Variants in ADAMTSL3 observed in about 807,000 individuals in gnomAD.
ADAMTSL3 encodes ADAMTS-like protein 3.
Under a neutral mutation model 201.7 loss-of-function variants are expected in ADAMTSL3, and 128 were observed. The observed-to-expected ratio is 0.63, with a 90% CI of 0.55 to 0.73. The LOEUF (loss-of-function observed/expected upper bound fraction) is 0.73, where lower values mean the gene tolerates loss of function less well. Among genes scored for constraint, ADAMTSL3 ranks in the 30% least tolerant of loss-of-function variants. ADAMTSL3 has a pLI of 0.00. For synonymous variants in ADAMTSL3, 738 were observed against 748.4 expected, an observed-to-expected ratio of 0.99 and a Z score of 0.23; for missense variants, 1,990 against 2,119.6, an observed-to-expected ratio of 0.94 and a Z score of 1.20.
chr15:83,892,512 A>G (rs2065526536), intron 12 of ADAMTSL3, among the ~76,000 whole-genome samples, 172 bp from the exon 13 acceptor site: 1 of 152,222 alleles, frequency 6.6e-6, no homozygotes, highest in Non-Finnish European at 1.5e-5. Context: ...CCTGGGTGAC[A>G]GAGCGAGACT....
intron 8 of ADAMTSL3, among the ~76,000 whole-genome samples, chr15:83,864,212 GA>G (rs2064927612): frequency 6.6e-6 from 1 of 152,164 alleles, no homozygotes; most frequent in African/African-American, 2.4e-5. Flanking sequence ...CATTCCTTCT[GA>G]AACTATTCCA....
intron 23 of ADAMTSL3, among the ~76,000 whole-genome samples, chr15:84,007,590 G>T (rs2067917953): frequency 6.8e-6 from 1 of 146,436 alleles, no homozygotes; most frequent in African/African-American, 2.4e-5. Context: ...CTCTGGCTCT[G>T]TTTTTTTTCT....
chr15:83,688,285 A>G (rs1165151030), intron 2 of ADAMTSL3, among the ~76,000 whole-genome samples: 2 of 152,234 alleles, frequency 1.3e-5, no homozygotes, highest in African/African-American at 2.4e-5. Context: ...TTGCCACATT[A>G]TATTATTTAA....
chr15:83,690,251 A>T (rs1309464394), intron 2 of ADAMTSL3, among the ~76,000 whole-genome samples: 1 of 151,918 alleles, frequency 6.6e-6, no homozygotes, highest in African/African-American at 2.4e-5. Context: ...TTCTCTACTT[A>T]ATATCTCTCC....
At position 83,838,079 on chromosome 15, in the gene ADAMTSL3, C is replaced by A; in HGVS notation, c.601-10C>A. 1 of 1,605,736 alleles carries A rather than the reference C, an allele frequency of 6.2e-7. No individual in the cohort carries two copies. Among genetic ancestry groups the A allele is most frequent in the Non-Finnish European group, 8.5e-7 (1 of 1,176,988 alleles). ...TTGGGCACCACTGACTGCCATGCTT[C>A]TGTTGGCAGGCAGTGGGCTGCGATC... On this transcript the variant is annotated splice_polypyrimidine_tract_variant and intron_variant, in intron 6 of 29. Transcript: ENST00000286744.
chr15:84,037,812 T>C lies in ADAMTSL3; in HGVS notation c.*6T>C, dbSNP rs2068538689. On this transcript the variant is annotated 3_prime_UTR_variant, in exon 30 of 30. Transcript: ENST00000286744. ...AGTCATGTCAAGAGGGATAAACCTT[T>C]GGAGGGGTCATGATGCTGCTGTGAA... 6.2e-7 allele frequency: 1 copy of C among 1,609,788 alleles called. No homozygotes were observed. The highest frequency in any genetic ancestry group is 1.7e-5 in the Admixed American group (1 of 58,656).
intron 3 of ADAMTSL3, among the ~76,000 whole-genome samples, chr15:83,768,313 A>T (rs1356458375): frequency 6.6e-6 from 1 of 152,252 alleles, no homozygotes; most frequent in Admixed American, 6.5e-5. Context: ...AGAAACTCAG[A>T]GTCAAACAGC....
At position 83,830,938 on chromosome 15, in the gene ADAMTSL3, T is replaced by G. The variant is rs548055008; in HGVS notation, c.601-7151T>G. 5.3e-5 allele frequency among the ~76,000 whole-genome samples: 8 copies of G among 152,296 alleles called. No homozygotes were observed. In the South Asian group the frequency reaches 1.7e-3, roughly 32 times the overall value. Reference sequence around the variant, plus strand: ...ATTAACTTTCTGGTAAATCCACGAATGAACAAGAATATATGTTGCCAAGTG... The same window carrying G: ...ATTAACTTTCTGGTAAATCCACGAAGGAACAAGAATATATGTTGCCAAGTG... On this transcript the variant is annotated intron_variant, in intron 6 of 29. Transcript: ENST00000286744.
chr15:83,770,112 G>A (rs2062955680), intron 3 of ADAMTSL3, among the ~76,000 whole-genome samples: 1 of 152,024 alleles, frequency 6.6e-6, no homozygotes, highest in African/African-American at 2.4e-5. Context: ...CACACATAGA[G>A]GTAGCAATGG....
chr15:83,825,262 C>G (rs935094807), intron 6 of ADAMTSL3, among the ~76,000 whole-genome samples: 4 of 152,210 alleles, frequency 2.6e-5, no homozygotes, highest in Admixed American at 2.0e-4. Context: ...CTGTTGTTTT[C>G]CAAGTTCTTG....
At chr15:83,756,011 T>C (rs1034586366) in intron 3 of ADAMTSL3, among the ~76,000 whole-genome samples, 4 of 152,222 alleles carry the variant, frequency 2.6e-5, no homozygotes, top group African/African-American at 9.7e-5. Flanking sequence ...TTCACCTGCC[T>C]TGGCCTCCCA....
chr15:83,785,704 T>C (rs887254152), intron 4 of ADAMTSL3, among the ~76,000 whole-genome samples: 2 of 152,198 alleles, frequency 1.3e-5, no homozygotes, highest in Admixed American at 6.5e-5. Flanking sequence ...CTGTTGGTTC[T>C]TACCCATTTG....
chr15:83,796,999 C>T (rs937464473), intron 4 of ADAMTSL3, among the ~76,000 whole-genome samples: 3 of 147,828 alleles, frequency 2.0e-5, no homozygotes, highest in African/African-American at 4.8e-5. Flanking sequence ...GTGAAATATT[C>T]GCTAACTAAG....
intron 19 of ADAMTSL3, chr15:83,962,083 GTGGTAAA>G (rs930675959): frequency 3.3e-5 from 5 of 152,156 alleles, no homozygotes; most frequent in Admixed American, 2.0e-4. Flanking sequence ...TGTTCTCGTG[GTGGTAAA>G]TGAGTCTCAC....
At chr15:83,953,001 C>T (rs757201296) in intron 19 of ADAMTSL3, among the ~76,000 whole-genome samples, 1 of 152,122 alleles carries the variant, frequency 6.6e-6, no homozygotes, top group Non-Finnish European at 1.5e-5. Flanking sequence ...CCTTTATTTT[C>T]AGTCTATGTG....
At chr15:84,030,434 G>T (rs1420323852) in intron 27 of ADAMTSL3, among the ~76,000 whole-genome samples, 1 of 152,168 alleles carries the variant, frequency 6.6e-6, no homozygotes, top group African/African-American at 2.4e-5. Flanking sequence ...AGATTTGACT[G>T]CCCCATTGGA....
chr15:83,927,367 G>T (rs746702078), intron 17 of ADAMTSL3, among the ~76,000 whole-genome samples: 1 of 152,008 alleles, frequency 6.6e-6, no homozygotes, highest in Non-Finnish European at 1.5e-5. Flanking sequence ...GCCCACCTCA[G>T]CCTCCCAAAG....
Position 83,982,873 on chromosome 15 carries a change from C to G in ADAMTSL3, c.3245C>G (p.Ala1082Gly), listed in dbSNP as rs150937264. ...GAGTTGAAGAATAAGCAGTTTGAAG[C>G]AGCAGTTAAACAAGGAGCATATAGC... ...SWELKNKQFE[A>G]AVKQGAYSMD... Residue 1082 changes from alanine (A) to glycine (G), a missense_variant, in exon 21 of 30, where the codon GCA becomes GGA. Coordinates refer to ENST00000286744, the MANE Select transcript of ADAMTSL3 (RefSeq NM_207517.3). 1 of 1,614,030 alleles carries G rather than the reference C, an allele frequency of 6.2e-7. No individual in the cohort carries two copies. Among genetic ancestry groups the G allele is most frequent in the South Asian group, 1.1e-5 (1 of 91,080 alleles).
At chr15:83,737,453 A>G (rs944207159) in intron 3 of ADAMTSL3, among the ~76,000 whole-genome samples, 9 of 152,272 alleles carry the variant, frequency 5.9e-5, no homozygotes, top group Middle Eastern at 3.4e-3. Context: ...TGATGGTTTT[A>G]TAAGTGTTTG....
Sources: allele counts gnomAD v4.1 joint callset (sites outside exome capture counted in the v4.1 genomes callset), GRCh38; gene constraint gnomAD v4.1.1; transcripts MANE v1.5; gene names NCBI Gene and HGNC (gene_info 2026-07-23, HGNC 2026-07-21).